Variants in AFG2A observed in about 807,000 individuals in gnomAD.
AFG2A encodes the protein ATPase family gene 2 protein homolog A.
At chr4:123,170,568 T>C in the AFG2A span, among the ~76,000 whole-genome samples, 1 of 152,152 alleles carries the variant, frequency 6.6e-6, no homozygotes, top group African/African-American at 2.4e-5. Context: ...TGAGTTTCTT[T>C]TGGTAACACT....
the AFG2A span, among the ~76,000 whole-genome samples, chr4:123,080,164 G>A: frequency 6.6e-5 from 10 of 152,138 alleles, no homozygotes; most frequent in African/African-American, 2.2e-4. Flanking sequence ...GGTATTTAGC[G>A]ATGAAGCCTT....
the AFG2A span, among the ~76,000 whole-genome samples, chr4:122,991,578 A>G: frequency 2.0e-5 from 3 of 152,220 alleles, no homozygotes; most frequent in East Asian, 3.8e-4. Context: ...GTAATTAACT[A>G]TCAAAAGCTA....
At chr4:123,146,241 C>T in the AFG2A span, among the ~76,000 whole-genome samples, 1 of 151,572 alleles carries the variant, frequency 6.6e-6, no homozygotes, top group Non-Finnish European at 1.5e-5. Context: ...AAGCACCAGG[C>T]AAGAAAAGTA....
the AFG2A span, among the ~76,000 whole-genome samples, chr4:122,970,307 C>A: frequency 6.6e-6 from 1 of 152,006 alleles, no homozygotes; most frequent in East Asian, 1.9e-4. Context: ...TAGTAACATG[C>A]CTTACAGGTT....
At chr4:123,139,935 GT>G in the AFG2A span, among the ~76,000 whole-genome samples, 1 of 151,854 alleles carries the variant, frequency 6.6e-6, no homozygotes, top group Non-Finnish European at 1.5e-5. Flanking sequence ...AGAGAAATAG[GT>G]TTCCAGGATA....
the AFG2A span, among the ~76,000 whole-genome samples, chr4:123,002,595 T>C: frequency 1.3e-5 from 2 of 152,206 alleles, no homozygotes; most frequent in African/African-American, 4.8e-5. Flanking sequence ...AAATTCTGGG[T>C]TGAAAATTCT....
At chr4:122,946,869 T>C in the AFG2A span, among the ~76,000 whole-genome samples, 6 of 152,040 alleles carry the variant, frequency 3.9e-5, no homozygotes, top group Non-Finnish European at 7.3e-5. Context: ...AAGGACTGTT[T>C]AAAACAATTA....
chr4:122,999,934 C>A, the AFG2A span, among the ~76,000 whole-genome samples: 1 of 152,120 alleles, frequency 6.6e-6, no homozygotes, highest in East Asian at 1.9e-4. Flanking sequence ...TTCTTCCTAC[C>A]CATGAGCATG....
the AFG2A span, among the ~76,000 whole-genome samples, chr4:122,961,700 C>A: frequency 1.5e-3 from 229 of 152,186 alleles, 1 homozygote; most frequent in African/African-American, 5.3e-3. Context: ...AGACGGGGTT[C>A]CACCATGTTG....
chr4:123,053,247 C>T, the AFG2A span, among the ~76,000 whole-genome samples: 1 of 152,202 alleles, frequency 6.6e-6, no homozygotes, highest in African/African-American at 2.4e-5. Context: ...CCAGGCTTGC[C>T]ACAAATCTCA....
chr4:122,938,099 G>T, the AFG2A span: 1 of 1,555,482 alleles, frequency 6.4e-7, no homozygotes, highest in African/African-American at 1.4e-5. Flanking sequence ...ATAGATGAGA[G>T]ATTTCATTTT....
chr4:123,208,351 G>T, the AFG2A span, among the ~76,000 whole-genome samples: 3 of 152,156 alleles, frequency 2.0e-5, no homozygotes, highest in Non-Finnish European at 4.4e-5. Flanking sequence ...AAATCATGGG[G>T]TAGGGATCTT....
the AFG2A span, among the ~76,000 whole-genome samples, chr4:123,218,591 G>T: frequency 0.021 from 3,166 of 152,062 alleles, 101 homozygotes; most frequent in African/African-American, 0.072. Context: ...AATTAATTTT[G>T]CCTGTTAATG....
chr4:123,210,298 A>G, the AFG2A span, among the ~76,000 whole-genome samples: 1 of 152,192 alleles, frequency 6.6e-6, no homozygotes, highest in Non-Finnish European at 1.5e-5. Context: ...ATGACATACA[A>G]TAGGTTTCTT....
the AFG2A span, among the ~76,000 whole-genome samples, chr4:123,041,419 C>T: frequency 6.6e-6 from 1 of 151,656 alleles, no homozygotes; most frequent in Admixed American, 6.6e-5. Flanking sequence ...CCGCGCCCGG[C>T]CTATGATTAT....
chr4:123,003,377 C>T, the AFG2A span, among the ~76,000 whole-genome samples: 15 of 152,302 alleles, frequency 9.8e-5, no homozygotes, highest in South Asian at 1.0e-3. Flanking sequence ...GGAGGAGAGG[C>T]GCTCTGCTTT....
the AFG2A span, chr4:122,927,780 T>A: frequency 6.2e-7 from 1 of 1,610,046 alleles, no homozygotes; most frequent in Non-Finnish European, 8.5e-7. Context: ...TTTCATTTCC[T>A]TAGTTTAGAA....
chr4:122,952,087 A>G, the AFG2A span, among the ~76,000 whole-genome samples: 9,407 of 152,262 alleles, frequency 0.062, 911 homozygotes, highest in African/African-American at 0.21. Context: ...TACTGGCTGC[A>G]TACTAGCATC....
the AFG2A span, among the ~76,000 whole-genome samples, chr4:123,170,615 G>C: frequency 6.6e-6 from 1 of 151,940 alleles, no homozygotes. Flanking sequence ...TAGGGTAAAG[G>C]CTATTTGTTC....
Sources: allele counts gnomAD v4.1 joint callset (sites outside exome capture counted in the v4.1 genomes callset), GRCh38; gene constraint gnomAD v4.1.1; transcripts MANE v1.5; gene names NCBI Gene and HGNC (gene_info 2026-07-23, HGNC 2026-07-21).